CCDC148: variants seen among roughly 807,000 people sequenced by gnomAD.
The protein encoded by CCDC148 is coiled-coil domain-containing protein 148.
In CCDC148, 89 loss-of-function variants were observed where a neutral mutation model predicts 85.7. That is an observed-to-expected ratio of 1.04 (90% CI 0.87 to 1.24). The LOEUF (loss-of-function observed/expected upper bound fraction) is 1.24, where lower values mean the gene tolerates loss of function less well. CCDC148 is among the 50% of genes most tolerant of loss of function. CCDC148 has a pLI of 0.00. For missense variants in CCDC148, 692 were observed against 671.7 expected, an observed-to-expected ratio of 1.03 and a Z score of -0.33; for synonymous variants, 230 against 213.9, an observed-to-expected ratio of 1.08 and a Z score of -0.66.
intron 9 of CCDC148, among the ~76,000 whole-genome samples, chr2:158,251,418 A>C (rs918674748): frequency 3.3e-5 from 5 of 152,012 alleles, no homozygotes; most frequent in African/African-American, 1.2e-4. Context: ...GGTATGTGTT[A>C]TTGGCAGAAG....
chr2:158,233,209 C>G (rs777333351), intron 10 of CCDC148, among the ~76,000 whole-genome samples: 4 of 152,002 alleles, frequency 2.6e-5, no homozygotes, highest in African/African-American at 7.2e-5. Flanking sequence ...CAACTCCACA[C>G]AAAAAGTATG....
chr2:158,208,982 CCCTT>C (rs1174379584), intron 11 of CCDC148, among the ~76,000 whole-genome samples: 1 of 151,612 alleles, frequency 6.6e-6, no homozygotes, highest in Non-Finnish European at 1.5e-5. Flanking sequence ...TAAACATGCT[CCCTT>C]CATTAACCTT....
intron 7 of CCDC148, among the ~76,000 whole-genome samples, chr2:158,326,998 A>C (rs991985804): frequency 2.6e-5 from 4 of 152,198 alleles, no homozygotes; most frequent in Non-Finnish European, 4.4e-5. Flanking sequence ...ATAAATTTTC[A>C]CAATTTTTAA....
intron 11 of CCDC148, among the ~76,000 whole-genome samples, chr2:158,216,619 C>G (rs185085395): frequency 4.6e-5 from 7 of 152,070 alleles, no homozygotes; most frequent in East Asian, 1.9e-4. Context: ...CTTGGGCCAT[C>G]ATGACAAAAT....
chr2:158,202,670 T>A (rs1686028551), intron 11 of CCDC148, among the ~76,000 whole-genome samples: 1 of 152,234 alleles, frequency 6.6e-6, no homozygotes. Context: ...CAAAGAAGCT[T>A]GGCTCTGTTC....
At chr2:158,362,582 A>T (rs545130070) in intron 1 of CCDC148, among the ~76,000 whole-genome samples, 26 of 152,132 alleles carry the variant, frequency 1.7e-4, no homozygotes, top group African/African-American at 5.8e-4. Context: ...GGTAAATAAT[A>T]AAATTAAGGC....
chr2:158,297,650 T>A (rs1691254067), intron 9 of CCDC148, among the ~76,000 whole-genome samples: 1 of 152,154 alleles, frequency 6.6e-6, no homozygotes, highest in African/African-American at 2.4e-5. Context: ...GCAGAATGTA[T>A]TAATTATGGA....
At chr2:158,326,954 C>T (rs1029235701) in intron 7 of CCDC148, among the ~76,000 whole-genome samples, 2 of 152,060 alleles carry the variant, frequency 1.3e-5, no homozygotes, top group Non-Finnish European at 2.9e-5. Context: ...TATACCTCAC[C>T]CTAACCCTTA....
chr2:158,181,939 TG>T (rs1282409929), intron 11 of CCDC148, among the ~76,000 whole-genome samples: 2 of 151,504 alleles, frequency 1.3e-5, no homozygotes, highest in African/African-American at 4.9e-5. Flanking sequence ...TGATCTAGGA[TG>T]GGGGAAGAGT....
At position 158,361,654 on chromosome 2, in the gene CCDC148, T is replaced by C. The variant is rs2105270316; in HGVS notation, c.26-3084A>G. Among the ~76,000 whole-genome samples, 2 of 152,230 alleles carry C rather than the reference T, an allele frequency of 1.3e-5. 1 individual carries two copies. The highest frequency in any genetic ancestry group is 4.2e-4 in the South Asian group (2 of 4,816). ...GATTTTGTCACCACCAGGCCTGCCT[T>C]ACAAGAGCTCCTGAAGGAAGCACTA... On this transcript the variant is annotated intron_variant, in intron 1 of 13. Coordinates refer to ENST00000283233, the MANE Select transcript of CCDC148 (RefSeq NM_138803.4).
intron 1 of CCDC148, among the ~76,000 whole-genome samples, chr2:158,446,569 G>C (rs1478432482): frequency 6.6e-6 from 1 of 151,910 alleles, no homozygotes; most frequent in Non-Finnish European, 1.5e-5. Context: ...TCATATAAGG[G>C]AGTTTTAAGA....
intron 1 of CCDC148, among the ~76,000 whole-genome samples, chr2:158,426,237 G>C (rs1427819887): frequency 6.6e-6 from 1 of 151,958 alleles, no homozygotes; most frequent in Non-Finnish European, 1.5e-5. Flanking sequence ...AGTAGTGGCA[G>C]AATAACTGAT....
At chr2:158,397,079 G>A (rs921358591) in intron 1 of CCDC148, among the ~76,000 whole-genome samples, 2 of 152,034 alleles carry the variant, frequency 1.3e-5, no homozygotes, top group Non-Finnish European at 2.9e-5. Context: ...CACTCTCCAG[G>A]CAGCAAGACC....
intron 9 of CCDC148, among the ~76,000 whole-genome samples, chr2:158,295,336 T>A (rs1182234977): frequency 6.6e-6 from 1 of 151,990 alleles, no homozygotes; most frequent in East Asian, 1.9e-4. Flanking sequence ...ACTATTCCAA[T>A]CAATAGAAAA....
chr2:158,425,046 C>T (rs1687011525), intron 1 of CCDC148: 1 of 442,650 alleles, frequency 2.3e-6, no homozygotes, highest in Non-Finnish European at 4.5e-6. Flanking sequence ...ATGAGGGGGC[C>T]CTAGGGGGTC....
At chr2:158,382,552 G>GC (rs1284262679) in intron 1 of CCDC148, among the ~76,000 whole-genome samples, 2 of 152,058 alleles carry the variant, frequency 1.3e-5, no homozygotes, top group Non-Finnish European at 2.9e-5. Flanking sequence ...AACTGCTAAG[G>GC]CTAGTTTGAC....
intron 11 of CCDC148, among the ~76,000 whole-genome samples, chr2:158,179,546 C>T (rs932839833): frequency 1.3e-5 from 2 of 152,048 alleles, no homozygotes; most frequent in Non-Finnish European, 2.9e-5. Flanking sequence ...AGAGTACCCA[C>T]TGGCTGCCAT....
At chr2:158,211,171 A>C (rs1686558048) in intron 11 of CCDC148, among the ~76,000 whole-genome samples, 1 of 151,452 alleles carries the variant, frequency 6.6e-6, no homozygotes, top group Non-Finnish European at 1.5e-5. Flanking sequence ...ATATCCCAGA[A>C]CTTAAAGTAT....
intron 1 of CCDC148, among the ~76,000 whole-genome samples, chr2:158,360,831 G>A (rs576277666): frequency 3.9e-5 from 6 of 151,938 alleles, no homozygotes; most frequent in African/African-American, 1.2e-4. Flanking sequence ...TCAATTTGAC[G>A]AACTGACAGA....
Sources: allele counts gnomAD v4.1 joint callset (sites outside exome capture counted in the v4.1 genomes callset), GRCh38; gene constraint gnomAD v4.1.1; transcripts MANE v1.5; gene names NCBI Gene and HGNC (gene_info 2026-07-23, HGNC 2026-07-21).